The following PICALM variants were observed in gnomAD, a reference collection of about 807,000 sequenced individuals.
The protein encoded by PICALM is phosphatidylinositol-binding clathrin assembly protein.
In PICALM, 40 loss-of-function variants were observed where a neutral mutation model predicts 80.5. That is an observed-to-expected ratio of 0.50 (90% CI 0.39 to 0.65). The LOEUF (loss-of-function observed/expected upper bound fraction) is 0.65, where lower values mean the gene tolerates loss of function less well. Among genes scored for constraint, PICALM ranks in the 30% least tolerant of loss-of-function variants. The pLI, the probability that PICALM is intolerant of heterozygous loss-of-function variation, is 0.00. For missense variants in PICALM, 676 were observed against 778.9 expected (o/e 0.87, Z 1.57); for synonymous variants, 288 against 260.3 (o/e 1.11, Z -1.02).
At chr11:86,013,319 A>T (rs1181023684) in intron 5 of PICALM, among the ~76,000 whole-genome samples, 1 of 152,166 alleles carries the variant, frequency 6.6e-6, no homozygotes, top group African/African-American at 2.4e-5. Flanking sequence ...TGTCTCAAAA[A>T]AACAAAAAAA....
At position 86,022,465 on chromosome 11, in the gene PICALM, A is replaced by G. The variant is rs777199260; in HGVS notation, c.354T>C (p.Tyr118=). The change falls in exon 4 of 20, where the codon TAT becomes TAC. Residue 118 remains tyrosine (Y), a synonymous_variant. Coordinates refer to ENST00000393346, the MANE Select transcript of PICALM (RefSeq NM_007166.4). ...NFLDKSGLQG[Y]DMSTFIRRYS... is the part of the protein sequence containing the mutation. Reference sequence around the variant, plus strand: ...ACCGCCTAATAAATGTAGACATGTCATATCCTGTAAAAAAACAAAAACAAA... The same window carrying G: ...ACCGCCTAATAAATGTAGACATGTCGTATCCTGTAAAAAAACAAAAACAAA... 1.4e-6 allele frequency: 2 copies of G among 1,471,806 alleles called. No homozygotes were observed. Among genetic ancestry groups the G allele is most frequent in the Non-Finnish European group, 1.8e-6 (2 of 1,098,626 alleles). 91.2% of individuals were successfully genotyped at this position (1,471,806 alleles called of 1,614,324 possible).
intron 16 of PICALM, 136 bp from the exon 17 acceptor site, chr11:85,981,364 G>A: frequency 1.7e-6 from 1 of 599,074 alleles, no homozygotes; most frequent in South Asian, 2.1e-5. Context: ...CCAGCACTTT[G>A]GGAGGCCAAG....
rs560594024 is a variant in PICALM, at chr11:86,028,381, T to C, written c.274-2014A>G. Among the ~76,000 whole-genome samples the C allele has an allele frequency of 3.9e-5, 6 of 152,336 alleles. No individual in the cohort carries two copies. In the South Asian group the frequency reaches 1.0e-3, roughly 26 times the overall value. On this transcript the variant is annotated intron_variant, in intron 2 of 19. Transcript: ENST00000393346. ...TGTTATGCCATTCACTCTACTATTG[T>C]GTATATTAGAAACTTTTCATAACAA...
intron 19 of PICALM, among the ~76,000 whole-genome samples, chr11:85,973,320 T>C (rs768794721): frequency 1.4e-4 from 22 of 152,274 alleles, no homozygotes; most frequent in South Asian, 6.2e-4. Context: ...CACTAGTCTA[T>C]GAAATACAGT....
At chr11:86,029,035 C>T (rs1447843892) in intron 2 of PICALM, among the ~76,000 whole-genome samples, 1 of 152,018 alleles carries the variant, frequency 6.6e-6, no homozygotes, top group Non-Finnish European at 1.5e-5. Flanking sequence ...GACGGGGTTT[C>T]ACCATGTTGG....
At chr11:85,964,579 T>C (rs1427366558) in intron 19 of PICALM, among the ~76,000 whole-genome samples, 3 of 152,212 alleles carry the variant, frequency 2.0e-5, no homozygotes, top group African/African-American at 7.2e-5. Flanking sequence ...TATTCTTAGT[T>C]CCATCTTCCC....
chr11:86,048,446 A>C (rs1247846694), intron 1 of PICALM, among the ~76,000 whole-genome samples: 1 of 152,236 alleles, frequency 6.6e-6, no homozygotes, highest in African/African-American at 2.4e-5. Flanking sequence ...CTAAGACTTT[A>C]TATTAAATTG....
chr11:85,957,696 T>C lies in PICALM; in HGVS notation c.*1350A>G, dbSNP rs1427023410. 9.9e-6 allele frequency: 2 copies of C among 202,614 alleles called. No individual in the cohort carries two copies. The highest frequency in any genetic ancestry group is 4.6e-5 in the African/African-American group (2 of 43,646). 12.6% of individuals were successfully genotyped at this position (202,614 alleles called of 1,614,324 possible). ...ACCATAACAAAACTTTTGTGGAAGC[T>C]GCATTTTATTTGAAAATCCACCCAT... On this transcript the variant is annotated 3_prime_UTR_variant, in exon 20 of 20. Coordinates refer to ENST00000393346, the MANE Select transcript of PICALM (RefSeq NM_007166.4).
At chr11:86,010,389 C>T (rs1002122229) in intron 7 of PICALM, among the ~76,000 whole-genome samples, 29 of 150,252 alleles carry the variant, frequency 1.9e-4, no homozygotes, top group Non-Finnish European at 3.1e-4. Context: ...TGCAGTGGTG[C>T]GATCTCAGCT....
In PICALM at chr11:86,044,434, G is replaced by A. The variant is rs1010012225; in HGVS notation, c.131-12823C>T. Among the ~76,000 whole-genome samples the A allele has an allele frequency of 5.3e-5, 8 of 152,266 alleles. No homozygotes were observed. The East Asian group carries it at 1.3e-3, about 26-fold the overall frequency. On this transcript the variant is annotated intron_variant, in intron 1 of 19. Transcript: ENST00000393346. ...GTGCCAAACCAAAGACACATCAAAC[G>A]GGATCGTCTCTTGGTAATTTTGCAA...
chr11:86,002,958 G>T (rs1488365436), intron 9 of PICALM, among the ~76,000 whole-genome samples: 1 of 152,080 alleles, frequency 6.6e-6, no homozygotes, highest in East Asian at 1.9e-4. Context: ...TTGCAAGTGA[G>T]TTGAGATTGT....
intron 2 of PICALM, 125 bp downstream of exon 2, chr11:86,031,344 A>G: frequency 1.5e-6 from 1 of 685,220 alleles, no homozygotes. Flanking sequence ...AGGGTCTATA[A>G]TTATATTTCT....
At chr11:86,043,470 C>T (rs1368019442) in intron 1 of PICALM, among the ~76,000 whole-genome samples, 1 of 152,132 alleles carries the variant, frequency 6.6e-6, no homozygotes, top group Non-Finnish European at 1.5e-5. Flanking sequence ...GAATTTTTCA[C>T]CTCTGTGTCC....
chr11:85,981,793 CA>C lies in PICALM; in HGVS notation c.1649-19del. The stretch of plus-strand genomic sequence containing the variant: ...GCCAAGATCTAGGAAAGGAGAAAAA[CA>C]AAAAAGCATTTTATAACACGAGACG... On this transcript the variant is annotated intron_variant, in intron 15 of 19. Coordinates refer to ENST00000393346, the MANE Select transcript of PICALM (RefSeq NM_007166.4). The C allele has an allele frequency of 1.2e-6, 2 of 1,612,844 alleles. No individual in the cohort carries two copies. Among genetic ancestry groups the C allele is most frequent in the South Asian group, 2.2e-5 (2 of 91,046 alleles).
chr11:86,045,716 T>C (rs2137170950), intron 1 of PICALM, among the ~76,000 whole-genome samples: 1 of 152,256 alleles, frequency 6.6e-6, no homozygotes, highest in South Asian at 2.1e-4. Context: ...TATGAATGGA[T>C]ATATGAAGAG....
intron 2 of PICALM, among the ~76,000 whole-genome samples, chr11:86,030,985 G>A (rs1303121400): frequency 5.3e-5 from 8 of 152,126 alleles, no homozygotes; most frequent in Non-Finnish European, 8.8e-5. Context: ...AGGCATGGTA[G>A]CACACACTTG....
intron 19 of PICALM, among the ~76,000 whole-genome samples, chr11:85,965,802 A>ATTTTTTTTTT (rs1202220050): frequency 9.5e-6 from 1 of 105,758 alleles, no homozygotes; most frequent in African/African-American, 3.6e-5. Flanking sequence ...TGCATTACCC[A>ATTTTTTTTTT]TTTTGTTTTT....
chr11:86,009,510 G>A (rs1348980098), intron 7 of PICALM, among the ~76,000 whole-genome samples: 1 of 151,644 alleles, frequency 6.6e-6, no homozygotes, highest in Non-Finnish European at 1.5e-5. Flanking sequence ...TGGCCAACAC[G>A]GTGAAACCCC....
chr11:86,062,518 CAAAA>C (rs201512372), intron 1 of PICALM, among the ~76,000 whole-genome samples: 2 of 123,356 alleles, frequency 1.6e-5, no homozygotes, highest in Admixed American at 1.7e-4. Flanking sequence ...AACTCCGTCT[CAAAA>C]AAAAAAAAAC....
Sources: allele counts gnomAD v4.1 joint callset (sites outside exome capture counted in the v4.1 genomes callset), GRCh38; gene constraint gnomAD v4.1.1; transcripts MANE v1.5; gene names NCBI Gene and HGNC (gene_info 2026-07-23, HGNC 2026-07-21).